The following LSAMP variants were observed in gnomAD, a reference collection of about 807,000 sequenced individuals.
LSAMP encodes limbic system-associated membrane protein.
LSAMP carries 7 observed loss-of-function variants against 38.6 expected under a neutral mutation model. That is an observed-to-expected ratio of 0.18 (90% CI 0.10 to 0.34). The LOEUF (loss-of-function observed/expected upper bound fraction) is 0.34. LSAMP is among the 10% of genes least tolerant of loss of function. The pLI is 1.00. For synonymous variants in LSAMP, 154 were observed against 166.8 expected, an observed-to-expected ratio of 0.92 and a Z score of 0.59; for missense variants, 313 against 420.0, an observed-to-expected ratio of 0.75 and a Z score of 2.23.
intron 2 of LSAMP, among the ~76,000 whole-genome samples, chr3:116,077,222 A>G (rs927018565): frequency 2.0e-5 from 3 of 151,814 alleles, no homozygotes; most frequent in African/African-American, 7.2e-5. Context: ...GTTTCATTGC[A>G]TTGACTATAG....
At chr3:115,982,784 T>C (rs9856035) in intron 3 of LSAMP, among the ~76,000 whole-genome samples, 2,608 of 152,176 alleles carry the variant, frequency 0.017, 76 homozygotes, top group African/African-American at 0.059. Context: ...GCTTTTCAAG[T>C]ACCTGAGATT....
At chr3:115,993,014 C>T (rs1053381231) in intron 3 of LSAMP, among the ~76,000 whole-genome samples, 11 of 151,970 alleles carry the variant, frequency 7.2e-5, no homozygotes, top group Admixed American at 2.0e-4. Flanking sequence ...TTCTGAAGTT[C>T]GATATTGCAT....
intron 1 of LSAMP, among the ~76,000 whole-genome samples, chr3:116,346,838 C>A (rs966720482): frequency 9.9e-5 from 15 of 152,130 alleles, no homozygotes; most frequent in African/African-American, 3.4e-4. Flanking sequence ...GAGCAGTGGT[C>A]TTCTAACATA....
intron 2 of LSAMP, among the ~76,000 whole-genome samples, chr3:116,061,344 A>C (rs1941590622): frequency 6.6e-6 from 1 of 152,218 alleles, no homozygotes; most frequent in Admixed American, 6.5e-5. Context: ...TAAGCAATTA[A>C]CTATGAAAAG....
rs551892096 is a variant in LSAMP at position 116,134,140 on chromosome 3, T to TA, written c.156-47585dup. On this transcript the variant is annotated intron_variant, in intron 1 of 6. Transcript: ENST00000490035. ...AAAATGACAGGAGTTATTATTGGTT[T>TA]AAAAAAAAATTTCTCAAATAAACTA... 2.4e-4 allele frequency among the ~76,000 whole-genome samples: 36 copies of TA among 151,968 alleles called. No homozygotes were observed. The South Asian group carries it at 6.9e-3, about 29-fold the overall frequency.
intron 1 of LSAMP, among the ~76,000 whole-genome samples, chr3:116,395,870 T>C (rs1386311581): frequency 2.0e-5 from 3 of 152,304 alleles, no homozygotes; most frequent in Non-Finnish European, 2.9e-5. Flanking sequence ...AAAAGATATA[T>C]ATTGCCCTTG....
Position 116,220,159 on chromosome 3 carries a change from G to A in LSAMP, c.156-133603C>T, listed in dbSNP as rs188702508. 1.7e-3 allele frequency among the ~76,000 whole-genome samples: 242 copies of A among 140,198 alleles called. 1 individual carries two copies. The highest frequency in any genetic ancestry group is 5.6e-3 in the African/African-American group (215 of 38,252). 92.0% of individuals were successfully genotyped at this position (140,198 alleles called of 152,430 possible). A position where few individuals can be genotyped will look rare whatever the true frequency, so the allele number is the denominator to read the frequency against. ...GACTGTGCCACTGCACTCCTGCCTGGGTGACAGAGTGAGACTCCATCTCAA... is the reference window on the plus strand; with the variant it reads ...GACTGTGCCACTGCACTCCTGCCTGAGTGACAGAGTGAGACTCCATCTCAA... On this transcript the variant is annotated intron_variant, in intron 1 of 6. Coordinates refer to ENST00000490035, the MANE Select transcript of LSAMP (RefSeq NM_002338.5).
chr3:116,384,881 C>A (rs1453516807), intron 1 of LSAMP, among the ~76,000 whole-genome samples: 1 of 152,118 alleles, frequency 6.6e-6, no homozygotes, highest in Non-Finnish European at 1.5e-5. Context: ...CAGGGCAAAG[C>A]TCTATGCTCC....
At chr3:115,863,005 G>A (rs1465319749) in intron 3 of LSAMP, among the ~76,000 whole-genome samples, 1 of 152,196 alleles carries the variant, frequency 6.6e-6, no homozygotes, top group Non-Finnish European at 1.5e-5. Context: ...TATGAGGCCA[G>A]TGGGCCAAAG....
chr3:116,108,657 C>CT (rs1442277202), intron 1 of LSAMP, among the ~76,000 whole-genome samples: 1 of 152,172 alleles, frequency 6.6e-6, no homozygotes, highest in Non-Finnish European at 1.5e-5. Flanking sequence ...ATGGGAGTGG[C>CT]TGCCAGGTGA....
intron 2 of LSAMP, among the ~76,000 whole-genome samples, chr3:116,061,021 C>T (rs1392903592): frequency 6.6e-6 from 1 of 151,872 alleles, no homozygotes; most frequent in Non-Finnish European, 1.5e-5. Context: ...GAATATCATC[C>T]TCAAGTTGCC....
Position 116,410,271 on chromosome 3 carries a change from A to C in LSAMP, c.155+34606T>G, listed in dbSNP as rs368923660. On this transcript the variant is annotated intron_variant, in intron 1 of 6. Transcript: ENST00000490035. ...TATAAGACTCCTGATTCTTGACCTC[A>C]CTAAATAGAGGCTTAAATATTGAAA... Among the ~76,000 whole-genome samples the C allele has an allele frequency of 2.0e-5, 3 of 151,994 alleles. No homozygotes were observed. The East Asian group carries it at 5.8e-4, about 29-fold the overall frequency.
chr3:116,211,014 A>G (rs6785172), intron 1 of LSAMP, among the ~76,000 whole-genome samples: 91,967 of 150,738 alleles, frequency 0.61, 28,613 homozygotes, highest in East Asian at 0.76. Context: ...AAAAAAAAAA[A>G]CAAAAACAAA....
At chr3:115,968,225 G>T (rs151294373) in intron 3 of LSAMP, among the ~76,000 whole-genome samples, 3 of 152,020 alleles carry the variant, frequency 2.0e-5, no homozygotes, top group African/African-American at 4.8e-5. Context: ...GCAAGACAAA[G>T]TCCCTCTTCC....
chr3:116,107,266 A>G (rs1708489163), intron 1 of LSAMP, among the ~76,000 whole-genome samples: 1 of 152,200 alleles, frequency 6.6e-6, no homozygotes, highest in Non-Finnish European at 1.5e-5. Context: ...CAGCTGAAGG[A>G]GCCGGGGAGC....
chr3:116,417,818 C>G (rs1456413671), intron 1 of LSAMP, among the ~76,000 whole-genome samples: 1 of 145,750 alleles, frequency 6.9e-6, no homozygotes, highest in Non-Finnish European at 1.5e-5. Flanking sequence ...CTTTGAGGCT[C>G]CATCAGTAAA....
chr3:116,163,428 G>T (rs1240051677), intron 1 of LSAMP, among the ~76,000 whole-genome samples: 1 of 151,606 alleles, frequency 6.6e-6, no homozygotes, highest in Non-Finnish European at 1.5e-5. Context: ...TGGCTGCATA[G>T]TATTCCATGG....
intron 6 of LSAMP, among the ~76,000 whole-genome samples, chr3:115,817,528 C>G (rs577834373): frequency 8.5e-5 from 13 of 152,196 alleles, no homozygotes; most frequent in Non-Finnish European, 1.8e-4. Flanking sequence ...CTTTTAAGTA[C>G]CTTTGTCAAG....
intron 3 of LSAMP, among the ~76,000 whole-genome samples, chr3:115,930,494 A>C (rs1342291192): frequency 1.3e-5 from 2 of 152,192 alleles, no homozygotes; most frequent in Admixed American, 6.5e-5. Flanking sequence ...TCTCCTACTC[A>C]GTATATTCCT....
Sources: allele counts gnomAD v4.1 joint callset (sites outside exome capture counted in the v4.1 genomes callset), GRCh38; gene constraint gnomAD v4.1.1; transcripts MANE v1.5; gene names NCBI Gene and HGNC (gene_info 2026-07-23, HGNC 2026-07-21).